The following FRAS1 variants were observed in gnomAD, a reference collection of about 807,000 sequenced individuals.
FRAS1 encodes the protein extracellular matrix organizing protein FRAS1.
FRAS1 carries 290 observed loss-of-function variants against 435.2 expected under a neutral mutation model. That is an observed-to-expected ratio of 0.67 (90% CI 0.61 to 0.73). The LOEUF (loss-of-function observed/expected upper bound fraction) is 0.73, where lower values mean the gene tolerates loss of function less well. Among genes scored for constraint, FRAS1 ranks in the 30% least tolerant of loss-of-function variants. The pLI is 0.00. For synonymous variants in FRAS1, 1,800 were observed against 1,851.0 expected (o/e 0.97, Z 0.71); for missense variants, 4,860 against 5,001.5 (o/e 0.97, Z 0.85).
chr4:78,515,895 A>G lies in FRAS1; in HGVS notation c.10271A>G (p.Lys3424Arg). Residue 3424 changes from lysine to arginine, a missense_variant, in exon 66 of 74, where the codon AAG (lysine) becomes AGG (arginine). Physicochemically the swap from Lys to Arg is conservative, Grantham distance 26. Coordinates refer to ENST00000512123, the MANE Select transcript of FRAS1 (RefSeq NM_025074.7). ...TTTGACCCCAGCGTGCGAGAGCCGA[A>G]GACCATCCAGCTCTACAAACACCTG... ...FQFDPSVREP[K>R]TIQLYKHLNL... is the part of the protein sequence containing the mutation. 6.2e-7 allele frequency: 1 copy of G among 1,614,006 alleles called. No individual in the cohort carries two copies. The highest frequency in any genetic ancestry group is 1.1e-5 in the South Asian group (1 of 91,078).
At chr4:78,468,755 C>A (rs370891744) in intron 50 of FRAS1, among the ~76,000 whole-genome samples, 10 of 152,162 alleles carry the variant, frequency 6.6e-5, no homozygotes, top group African/African-American at 2.4e-4. Flanking sequence ...GAAAGGTGGG[C>A]CTGGGGGCAC....
Position 78,499,785 on chromosome 4 carries a change from T to C in FRAS1, c.9180T>C (p.Ile3060=). The change falls in exon 61 of 74, where the codon ATT becomes ATC. Residue 3060 remains isoleucine (I), a synonymous_variant. Coordinates refer to ENST00000512123, the MANE Select transcript of FRAS1 (RefSeq NM_025074.7). ...GGGAACCCGCAGGCCCAGATGCCATTGCGATTCTGAACATCAAGGTGATCC... is the reference window on the plus strand; with the variant it reads ...GGGAACCCGCAGGCCCAGATGCCATCGCGATTCTGAACATCAAGGTGATCC... ...QVREPAGPDA[I]AILNIKVIRR... is the part of the protein sequence containing the mutation. 2 of 1,613,930 alleles carry C rather than the reference T, an allele frequency of 1.2e-6. No homozygotes were observed. Among genetic ancestry groups the C allele is most frequent in the Non-Finnish European group, 1.7e-6 (2 of 1,179,840 alleles).
intron 58 of FRAS1, 151 bp from the exon 59 acceptor site, chr4:78,488,724 G>A: frequency 1.6e-6 from 1 of 633,700 alleles, no homozygotes; most frequent in South Asian, 2.0e-5. Flanking sequence ...CCATGCTTTG[G>A]AATCTGCTTG....
intron 54 of FRAS1, among the ~76,000 whole-genome samples, chr4:78,476,612 G>A (rs1560749241): frequency 6.6e-6 from 1 of 152,154 alleles, no homozygotes; most frequent in Non-Finnish European, 1.5e-5. Flanking sequence ...AATTAGGAAA[G>A]AACAGATAAG....
intron 18 of FRAS1, among the ~76,000 whole-genome samples, chr4:78,327,177 A>G (rs1729751888): frequency 6.6e-6 from 1 of 152,150 alleles, no homozygotes; most frequent in South Asian, 2.1e-4. Context: ...ATCTGTGATC[A>G]TGCTGCTGAA....
chr4:78,189,329 G>A (rs1274162200), intron 2 of FRAS1, among the ~76,000 whole-genome samples: 1 of 152,208 alleles, frequency 6.6e-6, no homozygotes, highest in East Asian at 1.9e-4. Flanking sequence ...ATCCCACTTG[G>A]TTTCCTTCAG....
chr4:78,516,173 T>C (rs1241152239), intron 66 of FRAS1, among the ~76,000 whole-genome samples, 160 bp downstream of exon 66: 1 of 152,196 alleles, frequency 6.6e-6, no homozygotes, highest in Non-Finnish European at 1.5e-5. Context: ...TTGGCAGCAC[T>C]GAAGCTAGAG....
At chr4:78,192,857 G>T (rs539560778) in intron 2 of FRAS1, among the ~76,000 whole-genome samples, 1 of 152,118 alleles carries the variant, frequency 6.6e-6, no homozygotes, top group African/African-American at 2.4e-5. Flanking sequence ...TCTTTGAATT[G>T]CAATGTTAGG....
At position 78,372,699 on chromosome 4, in the gene FRAS1, A is replaced by G; in HGVS notation, c.2870-19A>G. On this transcript the variant is annotated intron_variant, in intron 23 of 73. Coordinates refer to ENST00000512123, the MANE Select transcript of FRAS1 (RefSeq NM_025074.7). ...GGTGGACAGAAAGGAAGATAATCTA[A>G]TGCAGACTTTCTTTTTAGAGTGTGA... 1 of 1,611,646 alleles carries G rather than the reference A, an allele frequency of 6.2e-7. No individual in the cohort carries two copies.
At chr4:78,292,951 TG>T (rs1448947083) in intron 14 of FRAS1, among the ~76,000 whole-genome samples, 3 of 152,242 alleles carry the variant, frequency 2.0e-5, no homozygotes, top group African/African-American at 7.2e-5. Context: ...AATTGCTGAC[TG>T]TCTCATAAAG....
At chr4:78,087,576 A>G (rs1273881476) in intron 2 of FRAS1, among the ~76,000 whole-genome samples, 3 of 152,158 alleles carry the variant, frequency 2.0e-5, no homozygotes, top group African/African-American at 2.4e-5. Flanking sequence ...CTTCAGCAAA[A>G]TCTCAGGATA....
chr4:78,483,511 A>G (rs1246498540), intron 58 of FRAS1, among the ~76,000 whole-genome samples: 2 of 152,112 alleles, frequency 1.3e-5, no homozygotes, highest in Non-Finnish European at 2.9e-5. Flanking sequence ...CATAGAGCCC[A>G]TGATTAAACT....
Position 78,057,855 on chromosome 4 carries a change from C to T in FRAS1, c.-155C>T, listed in dbSNP as rs1258710150. The T allele has an allele frequency of 4.6e-6, 3 of 653,060 alleles. No individual in the cohort carries two copies. The East Asian group carries it at 8.1e-5, about 18-fold the overall frequency. 40.5% of individuals were successfully genotyped at this position (653,060 alleles called of 1,614,324 possible). A position where few individuals can be genotyped will look rare whatever the true frequency, so the allele number is the denominator to read the frequency against. ...GGCGCCTCCGGGCTGATGAGTGTCGCTCTCCGCCCGTCCATCTCTTTTTCC... is the reference window on the plus strand; with the variant it reads ...GGCGCCTCCGGGCTGATGAGTGTCGTTCTCCGCCCGTCCATCTCTTTTTCC... On this transcript the variant is annotated 5_prime_UTR_variant, in exon 1 of 74. Coordinates refer to ENST00000512123, the MANE Select transcript of FRAS1 (RefSeq NM_025074.7). This position sits in a 1 kb window ranked among gnomAD's most constrained non-coding sequence, Gnocchi z 4.2.
intron 58 of FRAS1, among the ~76,000 whole-genome samples, chr4:78,486,655 C>G (rs566024726): frequency 1.6e-4 from 24 of 152,238 alleles, no homozygotes; most frequent in Admixed American, 1.6e-3. Context: ...ACCTTTAACA[C>G]AATGCCTGAC....
chr4:78,256,997 A>T (rs1454417720), intron 6 of FRAS1, among the ~76,000 whole-genome samples: 1 of 152,064 alleles, frequency 6.6e-6, no homozygotes, highest in Non-Finnish European at 1.5e-5. Context: ...GGAAAATATC[A>T]CCCCACCTCT....
At chr4:78,258,799 G>C (rs1725926433) in intron 6 of FRAS1, among the ~76,000 whole-genome samples, 1 of 141,268 alleles carries the variant, frequency 7.1e-6, no homozygotes, top group East Asian at 2.1e-4. Flanking sequence ...CTGGTGCGCT[G>C]CACCCACTAA....
intron 59 of FRAS1, among the ~76,000 whole-genome samples, chr4:78,493,146 A>G (rs1397122686): frequency 1.3e-5 from 2 of 152,254 alleles, no homozygotes; most frequent in Non-Finnish European, 2.9e-5. Context: ...TTAAAATGTC[A>G]GGAAACAACA....
intron 43 of FRAS1, 98 bp downstream of exon 43, chr4:78,446,978 A>C (rs943567819): frequency 8.5e-7 from 1 of 1,174,500 alleles, no homozygotes; most frequent in Non-Finnish European, 1.2e-6. Flanking sequence ...CTTTTCTTGT[A>C]TATGGTACAT....
chr4:78,099,323 C>T (rs532506091), intron 2 of FRAS1, among the ~76,000 whole-genome samples: 15 of 152,220 alleles, frequency 9.9e-5, no homozygotes, highest in Admixed American at 3.3e-4. Flanking sequence ...CTATAAGTGG[C>T]GCTTCCAGAC....
Sources: gnomAD v4.1 joint callset for allele counts (sites outside exome capture counted in the v4.1 genomes callset) on GRCh38, gnomAD v4.1.1 for gene constraint, Gnocchi (gnomAD v3.1) non-coding constraint, MANE v1.5 for transcripts, NCBI Gene and HGNC (gene_info 2026-07-23, HGNC 2026-07-21) for gene names.